Variants in PRDX4 observed in about 807,000 individuals in gnomAD.
PRDX4 encodes the protein peroxiredoxin-4.
Under a neutral mutation model 20.5 loss-of-function variants are expected in PRDX4, and 12 were observed. That is an observed-to-expected ratio of 0.58 (90% CI 0.37 to 0.95). The LOEUF is 0.95. Ranked by LOEUF, PRDX4 falls within the 40% of genes least tolerant of loss-of-function variation. The probability of loss-of-function intolerance (pLI) is 0.01; values close to 1 mark genes in which losing one functional copy is unlikely to be tolerated. For missense variants in PRDX4, 180 were observed against 207.3 expected (o/e 0.87, Z 0.81); for synonymous variants, 99 against 87.5 (o/e 1.13, Z -0.73).
chrX:23,667,653 TC>T lies in PRDX4; in HGVS notation c.85del (p.Leu29CysfsTer48). Reference protein sequence around the residue: ...RRLLLLPLLLFLLPAGAVQGW... With the variant: ...RRLLLLPLLLXLLPAGAVQGW... The stretch of plus-strand genomic sequence containing the variant: ...CTGCTTCTGCTGCCGCTACTGCTGT[TC>T]CTGCTGCCGGCTGGAGCTGTGCAGG... On this transcript the variant is annotated frameshift_variant, in exon 1 of 7. Transcript: ENST00000379341. LOFTEE classifies it high-confidence loss of function. The T allele has an allele frequency of 8.3e-7, 1 of 1,207,819 alleles. No individual in the cohort carries two copies. Among genetic ancestry groups the T allele is most frequent in the Non-Finnish European group, 1.1e-6 (1 of 893,464 alleles).
In PRDX4 at chrX:23,679,305, T is replaced by C. The variant is rs1928013588; in HGVS notation, c.599+18T>C. 8.5e-7 allele frequency: 1 copy of C among 1,172,678 alleles called. No homozygotes were observed. The highest frequency in any genetic ancestry group is 1.9e-5 in the South Asian group (1 of 51,711). On this transcript the variant is annotated intron_variant, in intron 4 of 6. Transcript: ENST00000379341. ...ACTCTTAGGTACCTTTCAGTGGTTT[T>C]ATATTATGACAAATCCAAGCGTGTT... is the stretch of plus-strand genomic sequence containing the variant.
intron 3 of PRDX4, 72 bp downstream of exon 3, chrX:23,675,178 T>C: frequency 8.3e-7 from 1 of 1,207,327 alleles, no homozygotes; most frequent in Admixed American, 2.2e-5. Flanking sequence ...CAGATAACTC[T>C]TGATATGATA....
chrX:23,673,412 T>C (rs1043908561), intron 2 of PRDX4, among the ~76,000 whole-genome samples: 7 of 112,445 alleles, frequency 6.2e-5, no homozygotes, highest in Non-Finnish European at 1.1e-4. Context: ...CTGTCTTCAC[T>C]AAGAAGTTGG....
intron 1 of PRDX4, among the ~76,000 whole-genome samples, chrX:23,668,433 A>G (rs1374916815): frequency 8.9e-6 from 1 of 112,172 alleles, no homozygotes; most frequent in Non-Finnish European, 1.9e-5. Flanking sequence ...AGAAGTATGC[A>G]TTTGGGTTGA....
chrX:23,668,482 G>A (rs1037611575), intron 1 of PRDX4, among the ~76,000 whole-genome samples: 2 of 112,272 alleles, frequency 1.8e-5, no homozygotes, highest in African/African-American at 6.5e-5. Context: ...TGCCAATTTG[G>A]TTTTTGATTA....
At chrX:23,682,307 A>G (rs1928087279) in intron 4 of PRDX4, 89 bp from the exon 5 acceptor site, 3 of 750,798 alleles carry the variant, frequency 4.0e-6, no homozygotes, top group Non-Finnish European at 5.5e-6. Context: ...TTTGTTCTGT[A>G]TAGCATCCTT....
At chrX:23,680,882 G>A (rs1244413026) in intron 4 of PRDX4, among the ~76,000 whole-genome samples, 1 of 110,516 alleles carries the variant, frequency 9.0e-6, no homozygotes, top group Non-Finnish European at 1.9e-5. Flanking sequence ...CTGCACTCTC[G>A]CCTGGGTAAC....
intron 4 of PRDX4, among the ~76,000 whole-genome samples, chrX:23,681,463 A>G (rs1928066894): frequency 2.7e-5 from 3 of 111,863 alleles, no homozygotes; most frequent in African/African-American, 9.7e-5. Context: ...GAATCCTACA[A>G]TATGTGCTTT....
rs1193411968 is a variant in PRDX4 at position 23,667,594 on chromosome X, C to A, written c.24C>A (p.Ala8=). 1 of 1,191,386 alleles carries A rather than the reference C, an allele frequency of 8.4e-7. No individual in the cohort carries two copies. The highest frequency in any genetic ancestry group is 3.1e-5 in the East Asian group (1 of 32,594). The part of the protein sequence containing the change: MEALPLL[A]ATTPDHGRHR... ...TCATGGAGGCGCTGCCGCTGCTAGC[C>A]GCGACAACTCCGGACCACGGCCGCC... Residue 8 remains alanine (A), a synonymous_variant, in exon 1 of 7, where the codon GCC becomes GCA. Transcript: ENST00000379341.
At chrX:23,671,863 TAG>T (rs1248924240) in intron 2 of PRDX4, among the ~76,000 whole-genome samples, 2 of 112,388 alleles carry the variant, frequency 1.8e-5, no homozygotes, top group African/African-American at 6.5e-5. Flanking sequence ...ATGGAATAAT[TAG>T]AGGAAAGCTA....
rs373444199 is a variant in PRDX4 at position 23,671,573 on chromosome X, G to A, written c.286G>A (p.Gly96Arg). ...PYWEGTAVIDGEFKELKLTDY... is the reference protein window; with the variant it reads ...PYWEGTAVIDREFKELKLTDY... ...CTGGGAAGGAACAGCTGTGATCGAT[G>A]GAGAATTTAAGGAGCTGAAGTTAAC... The change falls in exon 2 of 7, where the codon GGA becomes AGA. Residue 96 changes from glycine to arginine, a missense_variant. By Grantham distance (125) the Gly-to-Arg change is moderately radical. Transcript: ENST00000379341. 2.2e-5 allele frequency: 27 copies of A among 1,206,003 alleles called. No homozygotes were observed. The highest frequency in any genetic ancestry group is 2.9e-5 in the Non-Finnish European group (26 of 893,964).
At chrX:23,677,038 G>T (rs1927963347) in intron 3 of PRDX4, among the ~76,000 whole-genome samples, 1 of 110,607 alleles carries the variant, frequency 9.0e-6, no homozygotes, top group South Asian at 3.8e-4. Flanking sequence ...TTGCCATGTT[G>T]CCCGGGCTGT....
At chrX:23,675,843 A>T (rs1222285540) in intron 3 of PRDX4, among the ~76,000 whole-genome samples, 2 of 111,877 alleles carry the variant, frequency 1.8e-5, no homozygotes, top group East Asian at 5.5e-4. Flanking sequence ...ACCATTCAGA[A>T]TTGGGCTGGG....
intron 4 of PRDX4, 24 bp downstream of exon 4, chrX:23,679,311 A>G: frequency 8.6e-7 from 1 of 1,165,178 alleles, no homozygotes. Flanking sequence ...GTTTTATATT[A>G]TGACAAATCC....
At chrX:23,680,237 C>T (rs1414899645) in intron 4 of PRDX4, among the ~76,000 whole-genome samples, 1 of 111,570 alleles carries the variant, frequency 9.0e-6, no homozygotes, top group Non-Finnish European at 1.9e-5. Context: ...AATCCAGGTC[C>T]CCCAACTCCT....
chrX:23,682,463 A>G lies in PRDX4; in HGVS notation c.667A>G (p.Arg223Gly). ...TACTCTGAATGATCTTCCTGTGGGTAGATCAGTGGATGAGACACTACGTTT... is the reference window on the plus strand; with the variant it reads ...TACTCTGAATGATCTTCCTGTGGGTGGATCAGTGGATGAGACACTACGTTT... ...QITLNDLPVG[R>G]SVDETLRLVQ... Residue 223 changes from arginine (R) to glycine (G), a missense_variant, in exon 5 of 7, where the codon AGA (arginine) becomes GGA (glycine). Arg to Gly is a moderately radical substitution (Grantham distance 125). Coordinates refer to ENST00000379341, the MANE Select transcript of PRDX4 (RefSeq NM_006406.2). 1 of 1,183,743 alleles carries G rather than the reference A, an allele frequency of 8.4e-7. No individual in the cohort carries two copies. Among genetic ancestry groups the G allele is most frequent in the Non-Finnish European group, 1.1e-6 (1 of 876,755 alleles).
At chrX:23,668,740 G>A (rs1485591103) in intron 1 of PRDX4, among the ~76,000 whole-genome samples, 1 of 112,073 alleles carries the variant, frequency 8.9e-6, no homozygotes, top group East Asian at 2.8e-4. Context: ...TTCCATGCCA[G>A]TATTCAGTGA....
At chrX:23,683,592 AG>A in intron 5 of PRDX4, 78 bp from the exon 6 acceptor site, 1 of 946,525 alleles carries the variant, frequency 1.1e-6, no homozygotes, top group East Asian at 3.1e-5. Context: ...AGTTTCATAT[AG>A]AAACAGAAAA....
At chrX:23,673,801 T>A (rs501655) in intron 2 of PRDX4, among the ~76,000 whole-genome samples, 41,782 of 107,600 alleles carry the variant, frequency 0.39, 6,241 homozygotes, top group Middle Eastern at 0.53. Context: ...TCCTACCCTT[T>A]AGAAAATATT....
Sources: gnomAD v4.1 joint callset for allele counts (sites outside exome capture counted in the v4.1 genomes callset) on GRCh38, gnomAD v4.1.1 for gene constraint, MANE v1.5 for transcripts, NCBI Gene and HGNC (gene_info 2026-07-23, HGNC 2026-07-21) for gene names.